RELN: variants seen among roughly 807,000 people sequenced by gnomAD.
The protein encoded by RELN is reelin.
Under a neutral mutation model 427.6 loss-of-function variants are expected in RELN, and 108 were observed. That is an observed-to-expected ratio of 0.25 (90% CI 0.22 to 0.30). The LOEUF (loss-of-function observed/expected upper bound fraction) is 0.30, where lower values mean the gene tolerates loss of function less well. Ranked by LOEUF, RELN falls within the 10% of genes least tolerant of loss-of-function variation. RELN has a pLI of 1.00. For synonymous variants in RELN, 1,524 were observed against 1,513.4 expected, an observed-to-expected ratio of 1.01 and a Z score of -0.16; for missense variants, 3,715 against 4,302.8, an observed-to-expected ratio of 0.86 and a Z score of 3.82.
At chr7:103,494,623 ATCCT>A (rs60052610) in intron 57 of RELN, among the ~76,000 whole-genome samples, 1,991 of 148,454 alleles carry the variant, frequency 0.013, 44 homozygotes, top group African/African-American at 0.047. Flanking sequence ...GGCCTCAGAG[ATCCT>A]TCCTCCTTGG....
chr7:103,808,380 G>A (rs1792652055), intron 3 of RELN, among the ~76,000 whole-genome samples: 1 of 151,870 alleles, frequency 6.6e-6, no homozygotes, highest in Non-Finnish European at 1.5e-5. Flanking sequence ...CCTGCATGTT[G>A]CGCACGTGTA....
chr7:103,949,853 C>G (rs1405962676), intron 1 of RELN, among the ~76,000 whole-genome samples: 1 of 152,116 alleles, frequency 6.6e-6, no homozygotes, highest in African/African-American at 2.4e-5. Flanking sequence ...TTACAAGATC[C>G]ATAGTTAGTG....
intron 1 of RELN, among the ~76,000 whole-genome samples, chr7:103,987,093 T>G (rs958673409): frequency 7.6e-6 from 1 of 132,036 alleles, no homozygotes; most frequent in East Asian, 3.7e-4. Context: ...AAAAAAAAAC[T>G]CTTACTTTAA....
chr7:103,676,476 A>G (rs142707963), intron 11 of RELN, among the ~76,000 whole-genome samples: 5,519 of 152,208 alleles, frequency 0.036, 165 homozygotes, highest in East Asian at 0.15. Flanking sequence ...GTGGAAGACA[A>G]TGTGGCAATT....
At chr7:103,682,600 T>C (rs900962900) in intron 10 of RELN, among the ~76,000 whole-genome samples, 1 of 152,236 alleles carries the variant, frequency 6.6e-6, no homozygotes, top group Non-Finnish European at 1.5e-5. Context: ...ACTTGTCATG[T>C]ATTTCAAATT....
intron 28 of RELN, among the ~76,000 whole-genome samples, chr7:103,577,558 CA>C (rs11323336): frequency 0.4 from 45,946 of 113,504 alleles, 8,360 homozygotes; most frequent in Non-Finnish European, 0.51. Flanking sequence ...AAAGCAAAAG[CA>C]AAAAAAAAAA....
chr7:103,744,304 G>A (rs997368622), intron 6 of RELN, among the ~76,000 whole-genome samples: 36 of 152,008 alleles, frequency 2.4e-4, no homozygotes, highest in African/African-American at 7.5e-4. Flanking sequence ...GCCCACAAGA[G>A]AAAGCAGGAA....
At chr7:103,833,297 T>C (rs913550357) in intron 3 of RELN, among the ~76,000 whole-genome samples, 1 of 152,204 alleles carries the variant, frequency 6.6e-6, no homozygotes, top group Non-Finnish European at 1.5e-5. Flanking sequence ...TATTTTATTC[T>C]GTATTTTTGT....
chr7:103,760,253 TA>T (rs749331587), intron 4 of RELN, among the ~76,000 whole-genome samples: 33 of 146,552 alleles, frequency 2.3e-4, no homozygotes, highest in East Asian at 4.0e-4. Context: ...TGCTAAAAGT[TA>T]AAAAAAAAAG....
intron 3 of RELN, among the ~76,000 whole-genome samples, chr7:103,820,867 T>TAC (rs1156459676): frequency 1.3e-5 from 2 of 151,746 alleles, no homozygotes; most frequent in East Asian, 1.9e-4. Context: ...CACACACACA[T>TAC]ACACACACAC....
intron 2 of RELN, among the ~76,000 whole-genome samples, chr7:103,862,818 G>C (rs776088446): frequency 2.0e-5 from 3 of 152,092 alleles, no homozygotes; most frequent in Non-Finnish European, 4.4e-5. Flanking sequence ...GGAGCAGATG[G>C]TCTAAAGGTT....
intron 11 of RELN, among the ~76,000 whole-genome samples, chr7:103,665,094 T>C (rs966180301): frequency 6.6e-6 from 1 of 152,150 alleles, no homozygotes; most frequent in African/African-American, 2.4e-5. Flanking sequence ...GTGGTTTTAA[T>C]GAACCTGAAA....
At chr7:103,830,607 T>C (rs1793251512) in intron 3 of RELN, among the ~76,000 whole-genome samples, 1 of 151,992 alleles carries the variant, frequency 6.6e-6, no homozygotes, top group Non-Finnish European at 1.5e-5. Flanking sequence ...TAATTACAGA[T>C]ACTAACTCTT....
At chr7:103,527,090 C>G (rs74905370) in intron 46 of RELN, among the ~76,000 whole-genome samples, 5,167 of 152,276 alleles carry the variant, frequency 0.034, 309 homozygotes, top group African/African-American at 0.12. Context: ...GTTCCCCTCA[C>G]TGGTCTCCCA....
intron 10 of RELN, among the ~76,000 whole-genome samples, chr7:103,692,712 T>C (rs370623287): frequency 2.4e-4 from 36 of 152,148 alleles, no homozygotes; most frequent in Admixed American, 1.1e-3. Flanking sequence ...CCTAGTTTCA[T>C]GCAAAGAGGG....
At position 103,603,166 on chromosome 7, in the gene RELN, T is replaced by C. The variant is rs77683312; in HGVS notation, c.3333+138A>G. 3.1e-3 allele frequency: 2,328 copies of C among 758,406 alleles called. 10 individuals are homozygous for C. The highest frequency in any genetic ancestry group is 4.5e-3 in the Non-Finnish European group (1,908 of 423,848). The allele number at this position is 758,406 out of a possible 1,614,324, so 47.0% of individuals were successfully genotyped here. Reference sequence around the variant, plus strand: ...AATTTCCCAAGACATAGCTAAGGAATAGGAATTTGATAGAGCCCACTCAAA... The same window carrying C: ...AATTTCCCAAGACATAGCTAAGGAACAGGAATTTGATAGAGCCCACTCAAA... On this transcript the variant is annotated intron_variant, in intron 24 of 64. Transcript: ENST00000428762. The surrounding 1 kb of genome is among the most constrained non-coding windows in gnomAD (Gnocchi z 4.3).
intron 16 of RELN, among the ~76,000 whole-genome samples, chr7:103,643,205 T>C (rs1388752833): frequency 1.3e-5 from 2 of 152,080 alleles, no homozygotes; most frequent in Non-Finnish European, 2.9e-5. Context: ...CTCCATTTTA[T>C]AAAATTGACC....
At chr7:103,962,764 C>T (rs891743199) in intron 1 of RELN, among the ~76,000 whole-genome samples, 1 of 151,946 alleles carries the variant, frequency 6.6e-6, no homozygotes, top group Admixed American at 6.6e-5. Context: ...TTCTGAATGT[C>T]ATAGAACACA....
intron 6 of RELN, among the ~76,000 whole-genome samples, chr7:103,741,249 T>C (rs1289661903): frequency 6.6e-6 from 1 of 152,210 alleles, no homozygotes; most frequent in Non-Finnish European, 1.5e-5. Flanking sequence ...TTTCACTAGA[T>C]GCTTGTTTCT....
Sources: allele counts gnomAD v4.1 joint callset (sites outside exome capture counted in the v4.1 genomes callset), GRCh38; gene constraint gnomAD v4.1.1; non-coding constraint Gnocchi (gnomAD v3.1); transcripts MANE v1.5; gene names NCBI Gene and HGNC (gene_info 2026-07-23, HGNC 2026-07-21).